The following SNX5 variants were observed in gnomAD, a reference collection of about 807,000 sequenced individuals.
SNX5 encodes the protein sorting nexin-5.
A neutral mutation model predicts 53.9 loss-of-function variants in SNX5; 31 were observed. The observed-to-expected ratio is 0.58, with a 90% CI of 0.43 to 0.78. The LOEUF (loss-of-function observed/expected upper bound fraction) is 0.78. SNX5 is among the 30% of genes least tolerant of loss of function. The pLI is 0.00. For synonymous variants in SNX5, 168 were observed against 171.1 expected (o/e 0.98, Z 0.14); for missense variants, 471 against 478.8 (o/e 0.98, Z 0.15).
intron 1 of SNX5, among the ~76,000 whole-genome samples, chr20:17,958,343 G>A (rs1189655860): frequency 6.6e-6 from 1 of 152,216 alleles, no homozygotes; most frequent in Non-Finnish European, 1.5e-5. Context: ...AAAAACTTAT[G>A]TACTTAACCT....
chr20:17,952,781 A>G, intron 4 of SNX5, 71 bp from the exon 5 acceptor site: 7 of 1,559,472 alleles, frequency 4.5e-6, no homozygotes, highest in Non-Finnish European at 6.1e-6. Context: ...CTCCTGATTA[A>G]TTCTATGGCC....
At chr20:17,965,364 T>C (rs1293238415) in intron 1 of SNX5, among the ~76,000 whole-genome samples, 1 of 152,088 alleles carries the variant, frequency 6.6e-6, no homozygotes, top group Non-Finnish European at 1.5e-5. Flanking sequence ...CAACCTCTAG[T>C]TTAGATGACC....
At chr20:17,961,610 T>G (rs920019513) in intron 1 of SNX5, 1 of 983,742 alleles carries the variant, frequency 1.0e-6, no homozygotes, top group South Asian at 4.7e-5. Context: ...TTACTACAGA[T>G]AGGATAAAAA....
intron 1 of SNX5, chr20:17,963,017 T>A: frequency 2.5e-6 from 1 of 399,982 alleles, no homozygotes; most frequent in South Asian, 1.8e-5. Flanking sequence ...AAATATCTAA[T>A]GCATGTCAAG....
At chr20:17,957,739 G>C (rs2035385428) in intron 1 of SNX5, among the ~76,000 whole-genome samples, 1 of 152,188 alleles carries the variant, frequency 6.6e-6, no homozygotes, top group African/African-American at 2.4e-5. Flanking sequence ...GGAAAACCTG[G>C]GGAGATGGCA....
At chr20:17,955,621 C>A (rs770684728) in intron 2 of SNX5, 146 bp from the exon 3 acceptor site, 1 of 588,944 alleles carries the variant, frequency 1.7e-6, no homozygotes, top group Non-Finnish European at 3.1e-6. Flanking sequence ...GATCTCCTGT[C>A]ATGAAAGTCA....
At position 17,942,083 on chromosome 20, in the gene SNX5, TTAG is replaced by T. The variant is rs1296767244; in HGVS notation, c.*271_*273del. On this transcript the variant is annotated 3_prime_UTR_variant, in exon 13 of 13. Transcript: ENST00000377759. ...AGGCTAATGTGTCCTACACCCTTTC[TTAG>T]TAACTAAAGACGAACTACGGGAGAA... is the stretch of plus-strand genomic sequence containing the variant. 1.0e-5 allele frequency: 4 copies of T among 390,140 alleles called. No homozygotes were observed. The highest frequency in any genetic ancestry group is 8.3e-5 in the African/African-American group (4 of 48,170). 24.2% of individuals were successfully genotyped at this position (390,140 alleles called of 1,614,324 possible).
Position 17,951,571 on chromosome 20 carries a change from T to C in SNX5, c.538A>G (p.Lys180Glu). The C allele has an allele frequency of 1.2e-6, 2 of 1,612,180 alleles. No homozygotes were observed. The highest frequency in any genetic ancestry group is 1.7e-6 in the Non-Finnish European group (2 of 1,178,876). ...TTGAAGAAGCCACCAAACATCTCTT[T>C]AGTATTTTTCCGCCTAACACTTAGC... is the stretch of plus-strand genomic sequence containing the variant. ...QDLSVRRKNT[K>E]EMFGGFFKSV... Residue 180 changes from lysine (K) to glutamate (E), a missense_variant, in exon 6 of 13, where the codon AAA becomes GAA. Transcript: ENST00000377759.
Position 17,955,495 on chromosome 20 carries a change from T to C in SNX5, c.157-20A>G, listed in dbSNP as rs1029702882. 16 of 1,572,962 alleles carry C rather than the reference T, an allele frequency of 1.0e-5. No individual in the cohort carries two copies. The highest frequency in any genetic ancestry group is 1.4e-5 in the Non-Finnish European group (16 of 1,143,666). ...TGTGGTCTGTAAAGAAAGAAAGAAG[T>C]TAACTGGTAACCACGACTTTTAGAT... On this transcript the variant is annotated intron_variant, in intron 2 of 12. Transcript: ENST00000377759.
chr20:17,942,955 C>A, intron 12 of SNX5, 155 bp downstream of exon 12: 8 of 561,616 alleles, frequency 1.4e-5, no homozygotes, highest in South Asian at 2.6e-5. Flanking sequence ...AACAAGACTA[C>A]AAATAAACAA....
At chr20:17,965,157 G>C (rs758454099) in intron 1 of SNX5, among the ~76,000 whole-genome samples, 7 of 152,122 alleles carry the variant, frequency 4.6e-5, no homozygotes, top group Non-Finnish European at 8.8e-5. Flanking sequence ...CATTTTAGAA[G>C]GAAGTCCGTT....
intron 1 of SNX5, chr20:17,968,122 C>G: frequency 2.5e-6 from 1 of 399,448 alleles, no homozygotes; most frequent in South Asian, 1.3e-4. Context: ...CCGCTCGGCA[C>G]CGGCGCCTGA....
intron 6 of SNX5, 75 bp downstream of exon 6, chr20:17,951,425 C>G: frequency 1.2e-6 from 1 of 836,624 alleles, no homozygotes. Flanking sequence ...TCACAAGTAT[C>G]TCTTTCAAAG....
chr20:17,953,540 A>G (rs2035302316), intron 4 of SNX5, among the ~76,000 whole-genome samples: 1 of 152,188 alleles, frequency 6.6e-6, no homozygotes, highest in African/African-American at 2.4e-5. Context: ...GCACTATGGG[A>G]GGCAAAAGCA....
At position 17,942,365 on chromosome 20, in the gene SNX5, T is replaced by A. The variant is rs760842315; in HGVS notation, c.1207A>T (p.Asn403Tyr). 1 of 1,607,610 alleles carries A rather than the reference T, an allele frequency of 6.2e-7. No individual in the cohort carries two copies. Among genetic ancestry groups the A allele is most frequent in the South Asian group, 1.1e-5 (1 of 90,972 alleles). The change falls in exon 13 of 13, where the codon AAT (asparagine) becomes TAT (tyrosine). Residue 403 changes from asparagine (N) to tyrosine (Y), a missense_variant. Transcript: ENST00000377759. ...TTCTGAGTGAAGGCATATCAGTTATTCTTGAACAAGTCAATACAGCTCTGC... is the reference window on the plus strand; with the variant it reads ...TTCTGAGTGAAGGCATATCAGTTATACTTGAACAAGTCAATACAGCTCTGC... ...LLQSCIDLFK[N>Y]N
intron 11 of SNX5, chr20:17,944,947 A>G (rs1472397218): frequency 6.6e-6 from 1 of 152,188 alleles, no homozygotes; most frequent in Non-Finnish European, 1.5e-5. Flanking sequence ...TAATTCCTTC[A>G]TTGAATTTGT....
chr20:17,948,501 C>A (rs1332757162), intron 10 of SNX5, among the ~76,000 whole-genome samples: 1 of 152,182 alleles, frequency 6.6e-6, no homozygotes, highest in Non-Finnish European at 1.5e-5. Flanking sequence ...TTGTTCAGGG[C>A]AATGCAGACA....
At position 17,962,871 on chromosome 20, in the gene SNX5, TAGAACAGGAACTG is replaced by T. The variant is rs138132369; in HGVS notation, c.51+5491_51+5503del. On this transcript the variant is annotated intron_variant, in intron 1 of 12. Transcript: ENST00000377759. ...TTCAGGCTACATAGCCTCAAGTTCC[TAGAACAGGAACTG>T]AGGCTTGGAAGAAGGTCAGTGCAGC... The T allele has an allele frequency of 1.3e-3, 670 of 519,090 alleles. 8 individuals are homozygous for T. The highest frequency in any genetic ancestry group is 0.012 in the African/African-American group (647 of 52,082). The allele number at this position is 519,090 out of a possible 1,614,324, so 32.2% of individuals were successfully genotyped here. A position where few individuals can be genotyped will look rare whatever the true frequency, so the allele number is the denominator to read the frequency against.
At chr20:17,958,378 C>T (rs2035397388) in intron 1 of SNX5, among the ~76,000 whole-genome samples, 1 of 152,190 alleles carries the variant, frequency 6.6e-6, no homozygotes, top group African/African-American at 2.4e-5. Context: ...TCTGGTCAAT[C>T]AGCTATAAAA....
Sources: gnomAD v4.1 joint callset for allele counts (sites outside exome capture counted in the v4.1 genomes callset) on GRCh38, gnomAD v4.1.1 for gene constraint, MANE v1.5 for transcripts, NCBI Gene and HGNC (gene_info 2026-07-23, HGNC 2026-07-21) for gene names.